The following ACYP2 variants were observed in gnomAD, a reference collection of about 807,000 sequenced individuals.
ACYP2 encodes the protein acylphosphatase-2.
A neutral mutation model predicts 11.2 loss-of-function variants in ACYP2; 12 were observed. That is an observed-to-expected ratio of 1.08 (90% CI 0.69 to 1.74). The LOEUF (loss-of-function observed/expected upper bound fraction) is 1.74, where lower values mean the gene tolerates loss of function less well. Ranked by LOEUF, ACYP2 falls within the 40% of genes most tolerant of loss-of-function variation. ACYP2 has a pLI of 0.00. For synonymous variants in ACYP2, 43 were observed against 32.2 expected (o/e 1.33, Z -1.13); for missense variants, 134 against 101.9 (o/e 1.31, Z -1.35).
chr2:54,198,795 A>G (rs1205304416), intron 6 of ACYP2, among the ~76,000 whole-genome samples: 2 of 152,184 alleles, frequency 1.3e-5, no homozygotes, highest in Non-Finnish European at 2.9e-5. Context: ...CCGAACTTAC[A>G]TTTCATAGTT....
At chr2:54,137,517 C>T (rs918249694) in intron 5 of ACYP2, among the ~76,000 whole-genome samples, 13 of 152,148 alleles carry the variant, frequency 8.5e-5, no homozygotes, top group African/African-American at 2.7e-4. Flanking sequence ...CCCACTTCTA[C>T]GTGAGAACAT....
chr2:54,101,208 C>T (rs1160267226), intron 4 of ACYP2, among the ~76,000 whole-genome samples: 8 of 152,222 alleles, frequency 5.3e-5, no homozygotes, highest in Admixed American at 5.2e-4. Flanking sequence ...TTATCATCCT[C>T]CAAGACTGCA....
chr2:54,279,568 C>T (rs1688754898), intron 6 of ACYP2, among the ~76,000 whole-genome samples: 1 of 151,512 alleles, frequency 6.6e-6, no homozygotes, highest in African/African-American at 2.4e-5. Context: ...ATTCCCAGAA[C>T]CCCCAGTGGC....
rs184498321 is a variant in ACYP2 at position 54,300,776 on chromosome 2, T to G, written c.405-3912T>G. Among the ~76,000 whole-genome samples the G allele has an allele frequency of 6.0e-3, 910 of 152,342 alleles. 5 individuals are homozygous for G. The highest frequency in any genetic ancestry group is 8.7e-3 in the Non-Finnish European group (593 of 68,036). The stretch of plus-strand genomic sequence containing the variant: ...AATAATTTGTTAGGTAGTACCAAGT[T>G]GCCCTTTCAAAAAGCTGTACAATTT... On this transcript the variant is annotated intron_variant, in intron 6 of 6. Coordinates refer to ENST00000607452, the MANE Select transcript of ACYP2 (RefSeq NM_001320586.2).
chr2:54,184,676 A>G (rs931854549), intron 6 of ACYP2, among the ~76,000 whole-genome samples: 2 of 152,194 alleles, frequency 1.3e-5, no homozygotes, highest in African/African-American at 4.8e-5. Context: ...AATGTGGTAA[A>G]TAGATTATGT....
In ACYP2 at chr2:54,295,924, C is replaced by G. The variant is rs561700378; in HGVS notation, c.405-8764C>G. On this transcript the variant is annotated intron_variant, in intron 6 of 6. Transcript: ENST00000607452. ...TACAGGCACCCACCGCCATGCCTGGCTAATTTTTGTATTTTTAGTAGAGAC... is the reference window on the plus strand; with the variant it reads ...TACAGGCACCCACCGCCATGCCTGGGTAATTTTTGTATTTTTAGTAGAGAC... Among the ~76,000 whole-genome samples the G allele has an allele frequency of 6.6e-5, 10 of 152,252 alleles. No homozygotes were observed. In the South Asian group the frequency reaches 1.9e-3, roughly 28 times the overall value.
At chr2:54,116,898 G>C (rs1679841990) in intron 4 of ACYP2, among the ~76,000 whole-genome samples, 2 of 152,170 alleles carry the variant, frequency 1.3e-5, no homozygotes, top group Non-Finnish European at 2.9e-5. Context: ...AAGTGGCGGG[G>C]TGAATAATTT....
chr2:53,992,588 T>C (rs1672354089), intron 2 of ACYP2, among the ~76,000 whole-genome samples: 1 of 152,120 alleles, frequency 6.6e-6, no homozygotes, highest in Admixed American at 6.5e-5. Context: ...CCCAGCACTT[T>C]GGGAGGCTAA....
intron 2 of ACYP2, among the ~76,000 whole-genome samples, chr2:53,983,695 G>T (rs1671875751): frequency 6.6e-6 from 1 of 152,142 alleles, no homozygotes; most frequent in African/African-American, 2.4e-5. Context: ...CCGAAAAGCT[G>T]CTTCAGATAT....
At chr2:54,018,704 C>T (rs546174886) in intron 2 of ACYP2, among the ~76,000 whole-genome samples, 84 of 152,152 alleles carry the variant, frequency 5.5e-4, no homozygotes, top group Non-Finnish European at 1.1e-3. Context: ...GGCTTTTGCT[C>T]TTTATATTAA....
At chr2:54,184,942 G>T (rs1683907312) in intron 6 of ACYP2, among the ~76,000 whole-genome samples, 1 of 151,882 alleles carries the variant, frequency 6.6e-6, no homozygotes, top group Non-Finnish European at 1.5e-5. Context: ...TGCCTCCCGG[G>T]TTCAAGCAGT....
intron 2 of ACYP2, among the ~76,000 whole-genome samples, chr2:54,041,746 C>T (rs563892909): frequency 1.6e-4 from 25 of 152,260 alleles, no homozygotes; most frequent in African/African-American, 6.0e-4. Flanking sequence ...GGTGAGGTAT[C>T]AAATGAACGC....
chr2:54,046,482 T>TAAAA (rs34695884), intron 2 of ACYP2, among the ~76,000 whole-genome samples: 1 of 88,782 alleles, frequency 1.1e-5, no homozygotes, highest in East Asian at 2.7e-4. Flanking sequence ...CAAGACTGTC[T>TAAAA]AAAAAAAAAA....
At chr2:54,255,993 C>T in intron 6 of ACYP2, 1 of 1,614,158 alleles carries the variant, frequency 6.2e-7, no homozygotes, top group Non-Finnish European at 8.5e-7. Context: ...CCTCTGGAAG[C>T]CGGGGCGGTG....
At chr2:53,978,928 TAAAAA>T (rs1260922295) in intron 2 of ACYP2, among the ~76,000 whole-genome samples, 1 of 150,444 alleles carries the variant, frequency 6.6e-6, no homozygotes, top group Non-Finnish European at 1.5e-5. Context: ...ATCTCAAACT[TAAAAA>T]AAAGAGTATA....
chr2:54,259,331 A>C lies in ACYP2; in HGVS notation c.405-45357A>C, dbSNP rs931874222. Among the ~76,000 whole-genome samples, 3 of 152,192 alleles carry C rather than the reference A, an allele frequency of 2.0e-5. No homozygotes were observed. The South Asian group carries it at 6.2e-4, about 32-fold the overall frequency. ...CTGAGATAGTTATTCACATTTTGGGATAATCAGCATGCATGGAATTTAAAG... is the reference window on the plus strand; with the variant it reads ...CTGAGATAGTTATTCACATTTTGGGCTAATCAGCATGCATGGAATTTAAAG... On this transcript the variant is annotated intron_variant, in intron 6 of 6. Coordinates refer to ENST00000607452, the MANE Select transcript of ACYP2 (RefSeq NM_001320586.2).
chr2:54,272,616 A>G (rs1432632508), intron 6 of ACYP2, among the ~76,000 whole-genome samples: 2 of 152,240 alleles, frequency 1.3e-5, no homozygotes, highest in African/African-American at 2.4e-5. Flanking sequence ...TTTCCATTGT[A>G]CCAATGATGT....
At chr2:54,198,868 A>G (rs537342788) in intron 6 of ACYP2, among the ~76,000 whole-genome samples, 1 of 152,236 alleles carries the variant, frequency 6.6e-6, no homozygotes, top group South Asian at 2.1e-4. Flanking sequence ...AACAAGCTCA[A>G]CTGTTTTATT....
chr2:54,113,488 C>T (rs1178645890), intron 4 of ACYP2, among the ~76,000 whole-genome samples: 2 of 151,926 alleles, frequency 1.3e-5, no homozygotes, highest in East Asian at 1.9e-4. Flanking sequence ...TCAAGCTGTT[C>T]GCCAGCCTTG....
Sources: allele counts gnomAD v4.1 joint callset (sites outside exome capture counted in the v4.1 genomes callset), GRCh38; gene constraint gnomAD v4.1.1; transcripts MANE v1.5; gene names NCBI Gene and HGNC (gene_info 2026-07-23, HGNC 2026-07-21).